Variants in KLKB1 observed in about 807,000 individuals in gnomAD.
The protein encoded by KLKB1 is kallikrein B1.
In KLKB1, 58 loss-of-function variants were observed where a neutral mutation model predicts 73.6. The observed-to-expected ratio is 0.79, with a 90% CI of 0.64 to 0.98. The LOEUF is 0.98. KLKB1 is among the 50% of genes least tolerant of loss of function. The pLI, the probability that KLKB1 is intolerant of heterozygous loss-of-function variation, is 0.00. For missense variants in KLKB1, 737 were observed against 763.8 expected (o/e 0.96, Z 0.41); for synonymous variants, 280 against 258.1 (o/e 1.08, Z -0.81).
At position 186,254,610 on chromosome 4, in the gene KLKB1, C is replaced by A; in HGVS notation, c.1336C>A (p.Arg446Ser). The change falls in exon 12 of 15, where the codon CGC becomes AGC. Residue 446 changes from arginine to serine, a missense_variant. Arg to Ser is a moderately radical substitution (Grantham distance 110, BLOSUM62 -1). Coordinates refer to ENST00000264690, the MANE Select transcript of KLKB1 (RefSeq NM_000892.5). ...FDGLPLQDVW[R>S]IYSGILNLSD... is the part of the protein sequence containing the mutation. ...TAGGCTTCCCCTGCAGGATGTTTGG[C>A]GCATCTATAGTGGCATTTTAAATCT... 3.1e-6 allele frequency: 5 copies of A among 1,613,890 alleles called. No homozygotes were observed. The highest frequency in any genetic ancestry group is 4.2e-6 in the Non-Finnish European group (5 of 1,179,810).
chr4:186,240,342 G>T (rs1399184701), intron 6 of KLKB1, among the ~76,000 whole-genome samples: 1 of 152,060 alleles, frequency 6.6e-6, no homozygotes, highest in African/African-American at 2.4e-5. Context: ...TATAGGTACA[G>T]TGACGTTGTA....
At chr4:186,230,627 C>T (rs1210371241) in intron 2 of KLKB1, among the ~76,000 whole-genome samples, 1 of 152,160 alleles carries the variant, frequency 6.6e-6, no homozygotes, top group Non-Finnish European at 1.5e-5. Context: ...GCAAGAACAC[C>T]TACTAGAAGT....
chr4:186,219,751 A>T (rs540702514), intron 2 of KLKB1, among the ~76,000 whole-genome samples: 2 of 152,098 alleles, frequency 1.3e-5, no homozygotes, highest in Non-Finnish European at 2.9e-5. Context: ...TGACCCAAAC[A>T]TTCATTCCTA....
intron 3 of KLKB1, among the ~76,000 whole-genome samples, chr4:186,233,053 T>A (rs1737481597): frequency 6.6e-6 from 1 of 152,090 alleles, no homozygotes; most frequent in African/African-American, 2.4e-5. Flanking sequence ...TAGCTGGGAT[T>A]ACAGGCACGC....
chr4:186,236,512 T>C (rs1737698763), intron 4 of KLKB1, among the ~76,000 whole-genome samples: 1 of 152,222 alleles, frequency 6.6e-6, no homozygotes, highest in South Asian at 2.1e-4. Context: ...GAAATTTACC[T>C]GTATTGCTGC....
At chr4:186,214,568 A>G (rs1181570734) in intron 2 of KLKB1, among the ~76,000 whole-genome samples, 1 of 152,184 alleles carries the variant, frequency 6.6e-6, no homozygotes, top group Non-Finnish European at 1.5e-5. Flanking sequence ...TCTTTTCTAG[A>G]TAGTAGGAAA....
At chr4:186,218,611 A>G (rs72710553) in intron 2 of KLKB1, among the ~76,000 whole-genome samples, 5,643 of 151,016 alleles carry the variant, frequency 0.037, 170 homozygotes, top group Non-Finnish European at 0.057. Context: ...GCTAATTAAC[A>G]TGTCCATTAT....
chr4:186,216,405 A>G (rs994792618), intron 2 of KLKB1, among the ~76,000 whole-genome samples: 36 of 152,178 alleles, frequency 2.4e-4, no homozygotes, highest in African/African-American at 8.2e-4. Context: ...ACAGAATGGC[A>G]GGGAGTGAGA....
At chr4:186,251,434 G>T (rs1206322260) in intron 8 of KLKB1, 53 bp from the exon 9 acceptor site, 29 of 1,576,074 alleles carry the variant, frequency 1.8e-5, no homozygotes, top group Non-Finnish European at 2.4e-5. Context: ...TTGTGTAAAT[G>T]TCGTTCATTG....
intron 4 of KLKB1, 81 bp downstream of exon 4, chr4:186,234,139 T>G: frequency 9.5e-7 from 1 of 1,055,998 alleles, no homozygotes. Context: ...TTTGTACTGC[T>G]ACAGCTTTTT....
At chr4:186,221,086 GT>G (rs1737023068) in intron 2 of KLKB1, among the ~76,000 whole-genome samples, 1 of 151,928 alleles carries the variant, frequency 6.6e-6, no homozygotes, top group African/African-American at 2.4e-5. Context: ...TATTTAATTA[GT>G]TGATGTACTG....
chr4:186,243,124 G>GT (rs1738140286), intron 6 of KLKB1, among the ~76,000 whole-genome samples: 1 of 152,192 alleles, frequency 6.6e-6, no homozygotes, highest in African/African-American at 2.4e-5. Flanking sequence ...CCAGTCCTGG[G>GT]CGGGGGCAAA....
Position 186,251,782 on chromosome 4 carries a change from T to G in KLKB1, c.1065T>G (p.Gly355=). 1.2e-6 allele frequency: 2 copies of G among 1,614,114 alleles called. No individual in the cohort carries two copies. The highest frequency in any genetic ancestry group is 1.7e-6 in the Non-Finnish European group (2 of 1,179,956). ...GTTTCTTAAGATTATCTATGGATGG[T>G]TCTCCAACTAGGATTGCGTATGGGA... ...CKCFLRLSMD[G]SPTRIAYGTQ... Residue 355 remains glycine (G), a synonymous_variant, in exon 10 of 15, where the codon GGT becomes GGG. Coordinates refer to ENST00000264690, the MANE Select transcript of KLKB1 (RefSeq NM_000892.5).
intron 2 of KLKB1, among the ~76,000 whole-genome samples, chr4:186,216,043 G>C (rs1210196731): frequency 1.3e-5 from 2 of 152,162 alleles, no homozygotes; most frequent in African/African-American, 4.8e-5. Context: ...TCCCAGCAAA[G>C]GGCATTCAGC....
At chr4:186,242,309 CCA>C (rs1738097215) in intron 6 of KLKB1, among the ~76,000 whole-genome samples, 1 of 146,214 alleles carries the variant, frequency 6.8e-6, no homozygotes, top group Non-Finnish European at 1.5e-5. Context: ...AGGCCTGGGC[CCA>C]GAGGCCTGAC....
intron 6 of KLKB1, among the ~76,000 whole-genome samples, chr4:186,249,657 A>G (rs1365181074): frequency 2.0e-5 from 3 of 152,240 alleles, no homozygotes; most frequent in Admixed American, 2.0e-4. Context: ...GAAAAGCAGC[A>G]GGATTTTGAT....
In KLKB1 at chr4:186,251,199, C is replaced by CTT. The variant is rs3214676; in HGVS notation, c.759-13_759-12dup. The CTT allele has an allele frequency of 8.4e-5, 125 of 1,495,966 alleles. No homozygotes were observed. The highest frequency in any genetic ancestry group is 9.9e-5 in the Non-Finnish European group (107 of 1,075,386). 92.7% of individuals were successfully genotyped at this position (1,495,966 alleles called of 1,614,324 possible). The stretch of plus-strand genomic sequence containing the variant: ...TGCAAATTTCTTTCTTTCTCTCTTG[C>CTT]TTTTTTTTAAAAAAAATAGAAATGT... On this transcript the variant is annotated intron_variant, in intron 7 of 14. Coordinates refer to ENST00000264690, the MANE Select transcript of KLKB1 (RefSeq NM_000892.5).
rs1737520890 is a variant in KLKB1, at chr4:186,233,726, T to G, written c.222-226T>G. On this transcript the variant is annotated intron_variant, in intron 3 of 14. Coordinates refer to ENST00000264690, the MANE Select transcript of KLKB1 (RefSeq NM_000892.5). ...ATCATTAACTCTTTAATATGGTTGA[T>G]TTCCTGTACTTAAAAAATGTGAGTG... Among the ~76,000 whole-genome samples, 4 of 152,238 alleles carry G rather than the reference T, an allele frequency of 2.6e-5. No individual in the cohort carries two copies. The South Asian group carries it at 8.3e-4, about 31-fold the overall frequency.
At chr4:186,223,956 T>C (rs1394336217), upstream of KLKB1, among the ~76,000 whole-genome samples, 1 of 152,208 alleles carries the variant, frequency 6.6e-6, no homozygotes, top group Non-Finnish European at 1.5e-5. Flanking sequence ...GCCCTGCTGC[T>C]CTGTGCAGCC....
Sources: allele counts gnomAD v4.1 joint callset (sites outside exome capture counted in the v4.1 genomes callset), GRCh38; gene constraint gnomAD v4.1.1; transcripts MANE v1.5; gene names NCBI Gene and HGNC (gene_info 2026-07-23, HGNC 2026-07-21).